The following PRKG1 variants were observed in gnomAD, a reference collection of about 807,000 sequenced individuals.
PRKG1 encodes cGMP-dependent protein kinase 1.
A neutral mutation model predicts 88.1 loss-of-function variants in PRKG1; 35 were observed. That is an observed-to-expected ratio of 0.40 (90% CI 0.30 to 0.53). PRKG1 has a LOEUF of 0.53. Ranked by LOEUF, PRKG1 falls within the 20% of genes least tolerant of loss-of-function variation. The pLI, the probability that PRKG1 is intolerant of heterozygous loss-of-function variation, is 0.59. For synonymous variants in PRKG1, 303 were observed against 292.5 expected (o/e 1.04, Z -0.37); for missense variants, 540 against 839.8 (o/e 0.64, Z 4.41).
At chr10:52,048,173 A>G (rs1220576846) in intron 5 of PRKG1, among the ~76,000 whole-genome samples, 1 of 152,086 alleles carries the variant, frequency 6.6e-6, no homozygotes, top group East Asian at 1.9e-4. Context: ...TGGATGATCT[A>G]TGCTTTAATA....
At chr10:51,027,824 T>TA (rs1332033369) in intron 1 of PRKG1, among the ~76,000 whole-genome samples, 1 of 152,196 alleles carries the variant, frequency 6.6e-6, no homozygotes, top group African/African-American at 2.4e-5. Flanking sequence ...TTAAGATTCT[T>TA]AGTTTCTTAT....
At chr10:51,748,296 A>C (rs932360428) in intron 3 of PRKG1, among the ~76,000 whole-genome samples, 5 of 152,214 alleles carry the variant, frequency 3.3e-5, no homozygotes, top group African/African-American at 1.2e-4. Context: ...TTCCATGGTC[A>C]CTGGGCAACA....
At chr10:51,748,940 T>C (rs12262828) in intron 3 of PRKG1, among the ~76,000 whole-genome samples, 3,025 of 152,322 alleles carry the variant, frequency 0.02, 108 homozygotes, top group African/African-American at 0.069. Context: ...GTCAAATTTA[T>C]TGATATAGGG....
chr10:51,505,895 A>G (rs1841185495), intron 3 of PRKG1, among the ~76,000 whole-genome samples: 1 of 151,630 alleles, frequency 6.6e-6, no homozygotes, highest in Non-Finnish European at 1.5e-5. Context: ...CGGTCTATCA[A>G]TTTTGTTGAT....
intron 2 of PRKG1, among the ~76,000 whole-genome samples, chr10:51,254,683 T>C (rs114237416): frequency 0.024 from 3,715 of 152,154 alleles, 56 homozygotes; most frequent in Middle Eastern, 0.048. Context: ...TTTGTATTCA[T>C]AGTGATTTTA....
At chr10:51,561,684 G>A (rs1192548865) in intron 3 of PRKG1, among the ~76,000 whole-genome samples, 1 of 152,010 alleles carries the variant, frequency 6.6e-6, no homozygotes, top group African/African-American at 2.4e-5. Flanking sequence ...GGAGGAAGAG[G>A]AAGAAGAGAA....
At chr10:52,113,638 T>TA (rs1327301697) in intron 7 of PRKG1, among the ~76,000 whole-genome samples, 1 of 152,126 alleles carries the variant, frequency 6.6e-6, no homozygotes, top group Non-Finnish European at 1.5e-5. Flanking sequence ...CAGCTGTGAC[T>TA]GTCTGGTAGT....
chr10:51,851,162 T>C (rs576542763), intron 4 of PRKG1, among the ~76,000 whole-genome samples: 2 of 152,294 alleles, frequency 1.3e-5, no homozygotes, highest in Non-Finnish European at 2.9e-5. Flanking sequence ...GGTAATATGC[T>C]ACCTTTTGAA....
At chr10:51,680,421 G>C (rs1840823858) in intron 3 of PRKG1, among the ~76,000 whole-genome samples, 1 of 152,120 alleles carries the variant, frequency 6.6e-6, no homozygotes, top group Non-Finnish European at 1.5e-5. Context: ...TTTGTTCCTG[G>C]GTTTCATTCC....
intron 7 of PRKG1, among the ~76,000 whole-genome samples, chr10:52,132,723 T>G (rs1056532796): frequency 1.3e-5 from 2 of 152,092 alleles, no homozygotes; most frequent in Non-Finnish European, 2.9e-5. Context: ...ACTTAGAAAT[T>G]TTATTGTTTT....
At chr10:52,097,000 A>G (rs11818367) in intron 7 of PRKG1, among the ~76,000 whole-genome samples, 4,881 of 152,172 alleles carry the variant, frequency 0.032, 241 homozygotes, top group African/African-American at 0.11. Flanking sequence ...TCTGGGGTAG[A>G]TCTTAGTTCC....
chr10:51,605,074 T>A (rs1838725548), intron 3 of PRKG1, among the ~76,000 whole-genome samples: 1 of 152,118 alleles, frequency 6.6e-6, no homozygotes, highest in African/African-American at 2.4e-5. Flanking sequence ...GGTCCTCCCC[T>A]GGAGTCGGGC....
At chr10:51,476,947 A>G (rs1485218422) in intron 3 of PRKG1, among the ~76,000 whole-genome samples, 1 of 151,824 alleles carries the variant, frequency 6.6e-6, no homozygotes, top group Non-Finnish European at 1.5e-5. Context: ...TAACCTTTAC[A>G]ATAGTCCTGC....
intron 2 of PRKG1, among the ~76,000 whole-genome samples, chr10:51,370,138 T>G (rs1223158826): frequency 6.6e-6 from 1 of 152,114 alleles, no homozygotes; most frequent in Non-Finnish European, 1.5e-5. Flanking sequence ...ACTGGGTGAC[T>G]GCTATGAGGC....
chr10:51,720,397 A>T (rs186291236), intron 3 of PRKG1, among the ~76,000 whole-genome samples: 11 of 152,190 alleles, frequency 7.2e-5, no homozygotes, highest in Non-Finnish European at 2.9e-5. Flanking sequence ...CTATCTTACT[A>T]TCTTGCTAGT....
intron 2 of PRKG1, among the ~76,000 whole-genome samples, chr10:51,382,102 A>T (rs940901617): frequency 3.9e-5 from 6 of 152,156 alleles, no homozygotes; most frequent in Non-Finnish European, 7.4e-5. Context: ...TAGATTTCAA[A>T]CATCATTATT....
intron 2 of PRKG1, among the ~76,000 whole-genome samples, chr10:51,309,283 CAACAGAGTG>C (rs1317909932): frequency 6.6e-6 from 1 of 152,106 alleles, no homozygotes; most frequent in Non-Finnish European, 1.5e-5. Context: ...ATTAAATAAT[CAACAGAGTG>C]AACAGAGAGC....
chr10:52,071,206 T>C (rs918319265), intron 7 of PRKG1, among the ~76,000 whole-genome samples: 22 of 152,162 alleles, frequency 1.4e-4, no homozygotes, highest in African/African-American at 5.3e-4. Flanking sequence ...GTGTACTGTG[T>C]GATGCTGAGG....
intron 3 of PRKG1, among the ~76,000 whole-genome samples, chr10:51,727,327 T>G (rs1334676528): frequency 6.6e-6 from 1 of 151,134 alleles, no homozygotes; most frequent in Non-Finnish European, 1.5e-5. Context: ...CAGAGTTATA[T>G]TTTTGGAATT....
Sources: gnomAD v4.1 joint callset for allele counts (sites outside exome capture counted in the v4.1 genomes callset) on GRCh38, gnomAD v4.1.1 for gene constraint, MANE v1.5 for transcripts, NCBI Gene and HGNC (gene_info 2026-07-23, HGNC 2026-07-21) for gene names.